UBE2QL1: variants seen among roughly 807,000 people sequenced by gnomAD.
UBE2QL1 encodes the protein ubiquitin-conjugating enzyme E2Q-like protein 1.
Under a neutral mutation model 12.6 loss-of-function variants are expected in UBE2QL1, and 5 were observed. The observed-to-expected ratio is 0.40, with a 90% CI of 0.21 to 0.83. The LOEUF (loss-of-function observed/expected upper bound fraction) is 0.83. Ranked by LOEUF, UBE2QL1 falls within the 40% of genes least tolerant of loss-of-function variation. The pLI is 0.37. For missense variants in UBE2QL1, 99 were observed against 222.6 expected (o/e 0.44, Z 3.53); for synonymous variants, 96 against 94.5 (o/e 1.02, Z -0.10).
rs1324805133 is a variant in UBE2QL1, at chr5:6,448,926, C to T, written c.33C>T (p.Ser11=). 6.5e-7 allele frequency: 1 copy of T among 1,542,818 alleles called. No individual in the cohort carries two copies. Residue 11 remains serine (S), a synonymous_variant, in exon 1 of 2, where the codon AGC becomes AGT. Transcript: ENST00000399816. The stretch of plus-strand genomic sequence containing the variant: ...AGCTGCAGGACATCGCGCGCCTTAG[C>T]GACCGCTTCATCTCCGTGGAGCTGG... MKELQDIARL[S]DRFISVELVD...
At chr5:6,486,973 C>T (rs1734479073) in intron 1 of UBE2QL1, among the ~76,000 whole-genome samples, 1 of 152,218 alleles carries the variant, frequency 6.6e-6, no homozygotes, top group Non-Finnish European at 1.5e-5. Flanking sequence ...CCTGCCTGCT[C>T]CACACCCTCT....
chr5:6,455,318 G>C (rs1187829000), intron 1 of UBE2QL1, among the ~76,000 whole-genome samples: 1 of 152,208 alleles, frequency 6.6e-6, no homozygotes, highest in Admixed American at 6.5e-5. Flanking sequence ...TTAGAAGGAA[G>C]GCAGCCTCAC....
At chr5:6,454,582 A>G (rs1739479705) in intron 1 of UBE2QL1, among the ~76,000 whole-genome samples, 1 of 152,204 alleles carries the variant, frequency 6.6e-6, no homozygotes. Flanking sequence ...CCAGTTGCTC[A>G]TCTTGTTTCT....
At chr5:6,483,219 C>G (rs1242970258) in intron 1 of UBE2QL1, among the ~76,000 whole-genome samples, 1 of 152,064 alleles carries the variant, frequency 6.6e-6, no homozygotes, top group Admixed American at 6.6e-5. Context: ...GTGGATCACT[C>G]AAGGTCAGGA....
intron 1 of UBE2QL1, among the ~76,000 whole-genome samples, chr5:6,477,562 A>C (rs982634177): frequency 2.0e-5 from 3 of 152,272 alleles, no homozygotes; most frequent in African/African-American, 7.2e-5. Flanking sequence ...GGCTTTGTTC[A>C]AAATAAAGAG....
chr5:6,463,379 T>C (rs1739714721), intron 1 of UBE2QL1, among the ~76,000 whole-genome samples: 1 of 152,070 alleles, frequency 6.6e-6, no homozygotes, highest in Middle Eastern at 3.4e-3. Context: ...CATGAACAGG[T>C]GAAGAGGAGG....
intron 1 of UBE2QL1, among the ~76,000 whole-genome samples, chr5:6,457,934 C>T (rs147795395): frequency 1.3e-5 from 2 of 152,316 alleles, no homozygotes; most frequent in African/African-American, 4.8e-5. Context: ...ACACATGGTA[C>T]GGAATTATCA....
At chr5:6,488,052 A>C (rs757733762) in intron 1 of UBE2QL1, among the ~76,000 whole-genome samples, 29 of 152,198 alleles carry the variant, frequency 1.9e-4, no homozygotes, top group African/African-American at 2.2e-4. Context: ...AAAAACTGTT[A>C]ATTGTAAACG....
At chr5:6,482,566 C>G (rs1046061626) in intron 1 of UBE2QL1, among the ~76,000 whole-genome samples, 7 of 150,604 alleles carry the variant, frequency 4.6e-5, no homozygotes, top group South Asian at 4.1e-4. Flanking sequence ...TTAGGTACCC[C>G]CTCCTGCACT....
intron 1 of UBE2QL1, among the ~76,000 whole-genome samples, chr5:6,490,140 G>A (rs561739299): frequency 6.6e-6 from 1 of 152,314 alleles, no homozygotes; most frequent in Admixed American, 6.5e-5. Context: ...TTAAGTGGAA[G>A]GAAATGTGCC....
chr5:6,460,034 C>T (rs1739617970), intron 1 of UBE2QL1, among the ~76,000 whole-genome samples: 1 of 152,064 alleles, frequency 6.6e-6, no homozygotes, highest in African/African-American at 2.4e-5. Context: ...CAGCTCAGGG[C>T]CAGAGCAACT....
intron 1 of UBE2QL1, among the ~76,000 whole-genome samples, chr5:6,449,908 G>C (rs1739378924): frequency 6.7e-6 from 1 of 149,530 alleles, no homozygotes; most frequent in East Asian, 2.0e-4. Context: ...CTCCGCAGGG[G>C]ACTCGGGTGG....
chr5:6,463,234 C>T (rs775509261), intron 1 of UBE2QL1, among the ~76,000 whole-genome samples: 3 of 152,142 alleles, frequency 2.0e-5, no homozygotes, highest in Non-Finnish European at 4.4e-5. Context: ...GAAGGTTTCA[C>T]CCTGAAATGG....
In UBE2QL1 at chr5:6,491,545, A is replaced by G; in HGVS notation, c.*196A>G. On this transcript the variant is annotated 3_prime_UTR_variant, in exon 2 of 2. Coordinates refer to ENST00000399816, the MANE Select transcript of UBE2QL1 (RefSeq NM_001145161.3). ...AGAGGGAGCAAATGCCGTTCGGATTATGTTTCGATTATAAATGAATGATCA... is the reference window on the plus strand; with the variant it reads ...AGAGGGAGCAAATGCCGTTCGGATTGTGTTTCGATTATAAATGAATGATCA... The G allele has an allele frequency of 1.7e-6, 1 of 601,414 alleles. No individual in the cohort carries two copies. Among genetic ancestry groups the G allele is most frequent in the South Asian group, 4.2e-5 (1 of 23,702 alleles). The allele number at this position is 601,414 out of a possible 1,614,324, so 37.3% of individuals were successfully genotyped here.
At position 6,492,283 on chromosome 5, in the gene UBE2QL1, A is replaced by G. The variant is rs1305721526; in HGVS notation, c.*934A>G. On this transcript the variant is annotated 3_prime_UTR_variant, in exon 2 of 2. Transcript: ENST00000399816. Reference sequence around the variant, plus strand: ...TTTAATATCTGTGCTAGTGACAATGAATGTCAGAACTGCCAAAGGATACCA... The same window carrying G: ...TTTAATATCTGTGCTAGTGACAATGGATGTCAGAACTGCCAAAGGATACCA... 2 of 152,238 alleles carry G rather than the reference A, an allele frequency of 1.3e-5. No homozygotes were observed. The highest frequency in any genetic ancestry group is 2.9e-5 in the Non-Finnish European group (2 of 68,036). 9.4% of individuals were successfully genotyped at this position (152,238 alleles called of 1,614,324 possible). A position where few individuals can be genotyped will look rare whatever the true frequency, so the allele number is the denominator to read the frequency against.
At chr5:6,453,532 C>G (rs971121593) in intron 1 of UBE2QL1, among the ~76,000 whole-genome samples, 3 of 152,182 alleles carry the variant, frequency 2.0e-5, no homozygotes, top group African/African-American at 7.2e-5. Context: ...TTCTGTTTGC[C>G]TGACAGTTTC....
At chr5:6,453,155 T>C (rs1170984633) in intron 1 of UBE2QL1, among the ~76,000 whole-genome samples, 1 of 152,206 alleles carries the variant, frequency 6.6e-6, no homozygotes, top group Non-Finnish European at 1.5e-5. Flanking sequence ...TGTTTGAGGA[T>C]GTTTGAATCT....
intron 1 of UBE2QL1, among the ~76,000 whole-genome samples, chr5:6,463,640 ATTT>A (rs1039775083): frequency 1.2e-4 from 17 of 143,848 alleles, no homozygotes; most frequent in Admixed American, 3.6e-4. Flanking sequence ...TATTATTATT[ATTT>A]TTGATGCGGA....
intron 1 of UBE2QL1, among the ~76,000 whole-genome samples, chr5:6,489,628 G>A (rs1368719086): frequency 1.3e-5 from 2 of 152,122 alleles, no homozygotes; most frequent in Non-Finnish European, 2.9e-5. Context: ...GGTAGGCTCC[G>A]AATACAAGCA....
Sources: gnomAD v4.1 joint callset for allele counts (sites outside exome capture counted in the v4.1 genomes callset) on GRCh38, gnomAD v4.1.1 for gene constraint, MANE v1.5 for transcripts, NCBI Gene and HGNC (gene_info 2026-07-23, HGNC 2026-07-21) for gene names.